RPTOR: variants seen among roughly 807,000 people sequenced by gnomAD.
The protein encoded by RPTOR is regulatory-associated protein of mTOR.
Under a neutral mutation model 169.9 loss-of-function variants are expected in RPTOR, and 21 were observed. That is an observed-to-expected ratio of 0.12 (90% CI 0.09 to 0.18). The LOEUF (loss-of-function observed/expected upper bound fraction) is 0.18, where lower values mean the gene tolerates loss of function less well. RPTOR is among the 10% of genes least tolerant of loss of function. The probability of loss-of-function intolerance (pLI) is 1.00; values close to 1 mark genes in which losing one functional copy is unlikely to be tolerated. For missense variants in RPTOR, 1,133 were observed against 1,855.9 expected (o/e 0.61, Z 7.16); for synonymous variants, 732 against 753.2 (o/e 0.97, Z 0.46).
chr17:80,897,590 C>A (rs115614315), intron 20 of RPTOR, among the ~76,000 whole-genome samples: 17 of 152,352 alleles, frequency 1.1e-4, no homozygotes, highest in African/African-American at 4.1e-4. Context: ...GGGCACCCAG[C>A]GTGGTAATGT....
intron 9 of RPTOR, among the ~76,000 whole-genome samples, chr17:80,832,943 A>T (rs2067522023): frequency 6.6e-6 from 1 of 152,236 alleles, no homozygotes. Flanking sequence ...AGTCATCTGC[A>T]TTTACACTTT....
At chr17:80,700,498 A>G (rs1350977298) in intron 3 of RPTOR, among the ~76,000 whole-genome samples, 78 of 60,290 alleles carry the variant, frequency 1.3e-3, no homozygotes, top group African/African-American at 1.4e-3. Flanking sequence ...TGGTGATGGT[A>G]GAGATGATGG....
chr17:80,948,472 C>T lies in RPTOR; in HGVS notation c.3266-971C>T, dbSNP rs201646451. The T allele has an allele frequency of 2.7e-3, 411 of 152,676 alleles. 1 individual carries two copies. Among genetic ancestry groups the T allele is most frequent in the South Asian group, 0.012 (57 of 4,840 alleles). The allele number at this position is 152,676 out of a possible 1,614,324, so 9.5% of individuals were successfully genotyped here. ...ACCAGCCAGGCTCAGCCAGCGGTTT[C>T]GGAGAGACCAGATGTGAGCATCTCC... On this transcript the variant is annotated intron_variant, in intron 27 of 33. Transcript: ENST00000306801.
intron 10 of RPTOR, among the ~76,000 whole-genome samples, chr17:80,841,593 C>A (rs2067659829): frequency 7.1e-6 from 1 of 141,816 alleles, no homozygotes; most frequent in Non-Finnish European, 1.5e-5. Context: ...CGGCAGCTCA[C>A]TCTCACCGCA....
chr17:80,803,067 C>T lies in RPTOR; in HGVS notation c.890+11558C>T, dbSNP rs543312815. 11 of 152,410 alleles carry T rather than the reference C, an allele frequency of 7.2e-5. No individual in the cohort carries two copies. The highest frequency in any genetic ancestry group is 1.3e-4 in the Non-Finnish European group (9 of 68,180). The allele number at this position is 152,410 out of a possible 1,614,324, so 9.4% of individuals were successfully genotyped here. A position where few individuals can be genotyped will look rare whatever the true frequency, so the allele number is the denominator to read the frequency against. ...TTCTGGTGGGGTGCCTGGAGTGCCT[C>T]CTCTGGCAGGGGTGCCTCCTTGGAT... is the stretch of plus-strand genomic sequence containing the variant. On this transcript the variant is annotated intron_variant, in intron 7 of 33. Coordinates refer to ENST00000306801, the MANE Select transcript of RPTOR (RefSeq NM_020761.3). The surrounding 1 kb of genome is among the most constrained non-coding windows in gnomAD (Gnocchi z 6.2).
chr17:80,577,303 T>C (rs2064972987), intron 1 of RPTOR, among the ~76,000 whole-genome samples: 1 of 152,140 alleles, frequency 6.6e-6, no homozygotes, highest in Non-Finnish European at 1.5e-5. Flanking sequence ...GTGCTGTGAT[T>C]ATAGGCATGA....
rs554789407 is a variant in RPTOR, at chr17:80,651,284, C to T, written c.348+7474C>T. Among the ~76,000 whole-genome samples, 45 of 152,226 alleles carry T rather than the reference C, an allele frequency of 3.0e-4. No individual in the cohort carries two copies. The highest frequency in any genetic ancestry group is 4.7e-4 in the Non-Finnish European group (32 of 68,012). On this transcript the variant is annotated intron_variant, in intron 3 of 33. Transcript: ENST00000306801. The surrounding 1 kb of genome is among the most constrained non-coding windows in gnomAD (Gnocchi z 4.1). Reference sequence around the variant, plus strand: ...GACGATGAGGAACCCACCGTATGCTCGCCATATGCAACTAGGAAGAGTTGT... The same window carrying T: ...GACGATGAGGAACCCACCGTATGCTTGCCATATGCAACTAGGAAGAGTTGT...
At chr17:80,852,417 A>C (rs2589148) in intron 11 of RPTOR, among the ~76,000 whole-genome samples, 119,154 of 151,816 alleles carry the variant, frequency 0.78, 48,490 homozygotes, top group Non-Finnish European at 0.88. Context: ...CCCCCGAGTT[A>C]AGCATAGGAG....
chr17:80,781,665 A>G (rs760472546), intron 6 of RPTOR, among the ~76,000 whole-genome samples: 1 of 152,216 alleles, frequency 6.6e-6, no homozygotes, highest in African/African-American at 2.4e-5. Flanking sequence ...ATCTAAATAC[A>G]CTGGGCTTGG....
chr17:80,933,474 G>T (rs888687138), intron 24 of RPTOR, among the ~76,000 whole-genome samples: 9 of 152,168 alleles, frequency 5.9e-5, no homozygotes, highest in African/African-American at 2.2e-4. Context: ...TGATACTAAA[G>T]AAGACTTAAA....
At position 80,803,913 on chromosome 17, in the gene RPTOR, AG is replaced by A. The variant is rs1465869414; in HGVS notation, c.890+12408del. The stretch of plus-strand genomic sequence containing the variant: ...AGACGGGAGCAGCCATGCCGGGACC[AG>A]GGGCAGCGTTCCAGACGGGGAGCCC... On this transcript the variant is annotated intron_variant, in intron 7 of 33. Transcript: ENST00000306801. This position sits in a 1 kb window ranked among gnomAD's most constrained non-coding sequence, Gnocchi z 6.2. 6.6e-6 allele frequency among the ~76,000 whole-genome samples: 1 copy of A among 152,332 alleles called. No individual in the cohort carries two copies. The highest frequency in any genetic ancestry group is 1.9e-4 in the East Asian group (1 of 5,174).
intron 28 of RPTOR, among the ~76,000 whole-genome samples, chr17:80,956,505 CCG>C (rs1198442943): frequency 3.9e-5 from 6 of 152,262 alleles, no homozygotes; most frequent in Non-Finnish European, 8.8e-5. Flanking sequence ...GGCTGCCGGC[CCG>C]TGGCCCATGC....
At chr17:80,885,340 T>A (rs1158769303) in intron 17 of RPTOR, among the ~76,000 whole-genome samples, 192 bp downstream of exon 17, 1 of 152,190 alleles carries the variant, frequency 6.6e-6, no homozygotes, top group Admixed American at 6.5e-5. Flanking sequence ...TGGGTTTGCT[T>A]CATTTAAAGG....
At chr17:80,846,717 G>T (rs2067735255) in intron 11 of RPTOR, 143 bp downstream of exon 11, 2 of 674,734 alleles carry the variant, frequency 3.0e-6, no homozygotes, top group East Asian at 5.4e-5. Context: ...AGATGATGGT[G>T]CATGGGCAGG....
At position 80,663,554 on chromosome 17, in the gene RPTOR, C is replaced by T. The variant is rs114704530; in HGVS notation, c.348+19744C>T. On this transcript the variant is annotated intron_variant, in intron 3 of 33. Transcript: ENST00000306801. The stretch of plus-strand genomic sequence containing the variant: ...AGGTGAGATATTGACATTATTTCCC[C>T]TCAAACAGTCCACATTCCTGAATGG... Among the ~76,000 whole-genome samples, 586 of 152,264 alleles carry T rather than the reference C, an allele frequency of 3.8e-3. 3 individuals carry two copies. The highest frequency in any genetic ancestry group is 0.014 in the African/African-American group (569 of 41,536).
intron 3 of RPTOR, among the ~76,000 whole-genome samples, chr17:80,694,019 A>C (rs772233861): frequency 6.6e-6 from 1 of 152,262 alleles, no homozygotes; most frequent in Non-Finnish European, 1.5e-5. Context: ...CTTGAAATGA[A>C]ATCTGACAAG....
chr17:80,634,689 G>GTGTGCGTGTGCGTAC lies in RPTOR; in HGVS notation c.265+8901_265+8915dup, dbSNP rs1345377318. On this transcript the variant is annotated intron_variant, in intron 2 of 33. Coordinates refer to ENST00000306801, the MANE Select transcript of RPTOR (RefSeq NM_020761.3). The stretch of plus-strand genomic sequence containing the variant: ...TGTGTGCGTACTGTGTGTGCGTACT[G>GTGTGCGTGTGCGTAC]TGTGCGTGTGCGTACTGTGTGTGTG... Among the ~76,000 whole-genome samples, 2 of 95,558 alleles carry GTGTGCGTGTGCGTAC rather than the reference G, an allele frequency of 2.1e-5. 1 individual carries two copies. The highest frequency in any genetic ancestry group is 4.3e-5 in the Non-Finnish European group (2 of 46,854). 62.7% of individuals were successfully genotyped at this position (95,558 alleles called of 152,430 possible). A position where few individuals can be genotyped will look rare whatever the true frequency, so the allele number is the denominator to read the frequency against.
At chr17:80,738,766 A>G (rs1218198860) in intron 5 of RPTOR, among the ~76,000 whole-genome samples, 1 of 152,262 alleles carries the variant, frequency 6.6e-6, no homozygotes, top group East Asian at 1.9e-4. Context: ...GGAAGGATCT[A>G]TAGATTTGGC....
At chr17:80,691,110 C>G (rs970814635) in intron 3 of RPTOR, among the ~76,000 whole-genome samples, 18 of 152,194 alleles carry the variant, frequency 1.2e-4, no homozygotes, top group Non-Finnish European at 2.9e-5. Flanking sequence ...TATTTGTTAA[C>G]TGGAGTATCT....
Sources: allele counts gnomAD v4.1 joint callset (sites outside exome capture counted in the v4.1 genomes callset), GRCh38; gene constraint gnomAD v4.1.1; non-coding constraint Gnocchi (gnomAD v3.1); transcripts MANE v1.5; gene names NCBI Gene and HGNC (gene_info 2026-07-23, HGNC 2026-07-21).